The following GLIS3 variants were observed in gnomAD, a reference collection of about 807,000 sequenced individuals.
GLIS3 encodes GLIS family zinc finger 3.
A neutral mutation model predicts 78.6 loss-of-function variants in GLIS3; 53 were observed. That is an observed-to-expected ratio of 0.67 (90% confidence interval 0.54 to 0.85). The LOEUF (loss-of-function observed/expected upper bound fraction) is 0.85, where lower values mean the gene tolerates loss of function less well. Ranked by LOEUF, GLIS3 falls within the 40% of genes least tolerant of loss-of-function variation. GLIS3 has a pLI of 0.00. For missense variants in GLIS3, 1,703 were observed against 1,231.1 expected, an observed-to-expected ratio of 1.38 and a Z score of -5.74; for synonymous variants, 684 against 509.9, an observed-to-expected ratio of 1.34 and a Z score of -4.60.
chr9:3,842,805 T>G (rs551112775), intron 9 of GLIS3, among the ~76,000 whole-genome samples: 1 of 152,346 alleles, frequency 6.6e-6, no homozygotes, highest in Admixed American at 6.5e-5. Flanking sequence ...ATCTGAAAGT[T>G]TTCCAAGTGA....
chr9:4,082,509 A>G (rs1828640219), intron 4 of GLIS3, among the ~76,000 whole-genome samples: 1 of 152,236 alleles, frequency 6.6e-6, no homozygotes, highest in African/African-American at 2.4e-5. Context: ...AAAACAACCT[A>G]TCTTATGAGA....
At chr9:4,323,539 C>T (rs949705583) in intron 2 of GLIS3, among the ~76,000 whole-genome samples, 3 of 152,168 alleles carry the variant, frequency 2.0e-5, no homozygotes, top group South Asian at 4.1e-4. Flanking sequence ...TTTCTGTCTT[C>T]TTCACCTATT....
At chr9:4,461,170 A>G in the GLIS3 span, among the ~76,000 whole-genome samples, 1 of 152,200 alleles carries the variant, frequency 6.6e-6, no homozygotes, top group Non-Finnish European at 1.5e-5. Context: ...AAAGATGTTA[A>G]AGTTTTGAAA....
chr9:4,207,904 A>T (rs1171692191), intron 2 of GLIS3, among the ~76,000 whole-genome samples: 1 of 152,206 alleles, frequency 6.6e-6, no homozygotes, highest in Admixed American at 6.5e-5. Context: ...CGCTTTCTTT[A>T]TCTGGCTAAA....
At chr9:4,139,518 C>T (rs1240683695) in intron 2 of GLIS3, among the ~76,000 whole-genome samples, 3 of 152,150 alleles carry the variant, frequency 2.0e-5, no homozygotes, top group African/African-American at 4.8e-5. Flanking sequence ...ATTACTCGTT[C>T]GCCCCCTCTG....
intron 6 of GLIS3, among the ~76,000 whole-genome samples, chr9:3,902,451 T>C (rs887334349): frequency 2.0e-5 from 3 of 152,246 alleles, no homozygotes; most frequent in African/African-American, 7.2e-5. Context: ...CATAGTTTTA[T>C]ATTTGGAATA....
chr9:4,474,563 T>C, the GLIS3 span, among the ~76,000 whole-genome samples: 2 of 152,174 alleles, frequency 1.3e-5, no homozygotes, highest in African/African-American at 4.8e-5. Flanking sequence ...CAGATAGATT[T>C]TAGATTGAAA....
intron 4 of GLIS3, among the ~76,000 whole-genome samples, chr9:3,969,661 C>A (rs536594637): frequency 3.5e-4 from 53 of 152,294 alleles, no homozygotes; most frequent in African/African-American, 1.3e-3. Flanking sequence ...ATCTTCTTTT[C>A]CCAACCAAAT....
intron 4 of GLIS3, among the ~76,000 whole-genome samples, chr9:4,065,204 G>A (rs564838686): frequency 1.1e-3 from 160 of 152,230 alleles, no homozygotes; most frequent in African/African-American, 3.5e-3. Context: ...AACACCTCTG[G>A]GATCCCCTTC....
At chr9:4,009,130 G>C (rs1165036062) in intron 4 of GLIS3, among the ~76,000 whole-genome samples, 2 of 152,186 alleles carry the variant, frequency 1.3e-5, no homozygotes, top group Non-Finnish European at 2.9e-5. Flanking sequence ...CAAACACTGA[G>C]TCAGTCTTGC....
At chr9:4,334,996 C>G (rs1817738154) in intron 2 of GLIS3, among the ~76,000 whole-genome samples, 2 of 146,930 alleles carry the variant, frequency 1.4e-5, no homozygotes, top group Non-Finnish European at 3.0e-5. Flanking sequence ...GCAAGCTCCA[C>G]CTCCCGGGTT....
chr9:4,274,708 C>T (rs533682140), intron 2 of GLIS3, among the ~76,000 whole-genome samples: 1 of 152,194 alleles, frequency 6.6e-6, no homozygotes, highest in East Asian at 1.9e-4. Flanking sequence ...ACCCTAAGCA[C>T]AGGGCACCCC....
At position 4,263,073 on chromosome 9, in the gene GLIS3, T is replaced by A. The variant is rs1046771265; in HGVS notation, c.388+22965A>T. Among the ~76,000 whole-genome samples, 4 of 152,210 alleles carry A rather than the reference T, an allele frequency of 2.6e-5. No homozygotes were observed. In the East Asian group the frequency reaches 5.8e-4, roughly 22 times the overall value. ...AACCAATCAGGAGTATCCTTTCTGG[T>A]TTACATTTCACAGTAAGAAAAATGT... On this transcript the variant is annotated intron_variant, in intron 2 of 10. Transcript: ENST00000381971.
chr9:4,172,644 T>C (rs1348866395), intron 2 of GLIS3, among the ~76,000 whole-genome samples: 1 of 152,226 alleles, frequency 6.6e-6, no homozygotes, highest in Non-Finnish European at 1.5e-5. Flanking sequence ...TAAATGAGGA[T>C]GTGTCATCTG....
At position 3,825,536 on chromosome 9, in the gene GLIS3, T is replaced by C. The variant is rs531225266; in HGVS notation, c.*2736A>G. ...TTTAAGGGGAATGACAATCTCTGTT[T>C]GGACATTTATGAAAATGGTTACATA... On this transcript the variant is annotated 3_prime_UTR_variant, in exon 11 of 11. Coordinates refer to ENST00000381971, the MANE Select transcript of GLIS3 (RefSeq NM_001042413.2). 21 of 152,308 alleles carry C rather than the reference T, an allele frequency of 1.4e-4. No individual in the cohort carries two copies. Among genetic ancestry groups the C allele is most frequent in the African/African-American group, 5.1e-4 (21 of 41,568 alleles). The allele number at this position is 152,308 out of a possible 1,614,324, so 9.4% of individuals were successfully genotyped here. A position where few individuals can be genotyped will look rare whatever the true frequency, so the allele number is the denominator to read the frequency against.
At chr9:4,298,400 T>C (rs1385276462) in intron 1 of GLIS3, 1 of 456,294 alleles carries the variant, frequency 2.2e-6, no homozygotes, top group South Asian at 1.6e-5. Context: ...GAATCATCCA[T>C]AGGATGACAA....
intron 2 of GLIS3, among the ~76,000 whole-genome samples, chr9:4,139,835 G>A (rs1005389781): frequency 5.9e-5 from 9 of 152,154 alleles, no homozygotes; most frequent in Admixed American, 4.6e-4. Flanking sequence ...GATCTGACAC[G>A]AGGCGAAGCT....
chr9:3,911,976 G>A (rs570649), intron 6 of GLIS3, among the ~76,000 whole-genome samples: 107,638 of 151,890 alleles, frequency 0.71, 38,443 homozygotes, highest in Non-Finnish European at 0.74. Flanking sequence ...ATAGTGTGGC[G>A]ACATGGCAAG....
At chr9:4,490,398 C>T in the GLIS3 span, 2 of 225,408 alleles carry the variant, frequency 8.9e-6, no homozygotes, top group Non-Finnish European at 1.7e-5. Flanking sequence ...GCTCCTCCCT[C>T]CTTCCTCGCT....
Sources: allele counts gnomAD v4.1 joint callset (sites outside exome capture counted in the v4.1 genomes callset), GRCh38; gene constraint gnomAD v4.1.1; transcripts MANE v1.5; gene names NCBI Gene and HGNC (gene_info 2026-07-23, HGNC 2026-07-21).